MRPL13: variants seen among roughly 807,000 people sequenced by gnomAD.
MRPL13 encodes large ribosomal subunit protein uL13m.
MRPL13 carries 33 observed loss-of-function variants against 29.0 expected under a neutral mutation model. That is an observed-to-expected ratio of 1.14 (90% confidence interval 0.86 to 1.52). MRPL13 has a LOEUF of 1.52. MRPL13 is among the 40% of genes most tolerant of loss of function. The pLI, the probability that MRPL13 is intolerant of heterozygous loss-of-function variation, is 0.00. For missense variants in MRPL13, 227 were observed against 216.7 expected (o/e 1.05, Z -0.30); for synonymous variants, 77 against 68.4 (o/e 1.13, Z -0.62).
At chr8:120,431,945 CT>C (rs1420086449) in intron 3 of MRPL13, 84 bp downstream of exon 3, 5 of 962,906 alleles carry the variant, frequency 5.2e-6, no homozygotes, top group Admixed American at 2.9e-5. Context: ...TTAAAAATAT[CT>C]TTTTTCTTTT....
chr8:120,414,216 G>A (rs970154693), intron 5 of MRPL13, 104 bp from the exon 6 acceptor site: 71 of 876,108 alleles, frequency 8.1e-5, no homozygotes, highest in East Asian at 3.4e-4. Context: ...AAGAATGCTC[G>A]TAGAATAAGG....
At chr8:120,433,276 G>T (rs1161034481) in intron 2 of MRPL13, among the ~76,000 whole-genome samples, 1 of 151,984 alleles carries the variant, frequency 6.6e-6, no homozygotes, top group Non-Finnish European at 1.5e-5. Context: ...AAATAAAGAA[G>T]GTGGGAAGAT....
Position 120,419,922 on chromosome 8 carries a change from A to G in MRPL13, c.323T>C (p.Ile108Thr). 3 of 1,593,310 alleles carry G rather than the reference A, an allele frequency of 1.9e-6. No homozygotes were observed. Residue 108 changes from isoleucine (I) to threonine (T), a missense_variant, in exon 5 of 7, where the codon ATT (isoleucine) becomes ACT (threonine). Physicochemically the swap from Ile to Thr is moderately conservative, Grantham distance 89. Transcript: ENST00000306185. Reference sequence around the variant, plus strand: ...AAGGTTTTTTGGCAGCATGCCATAAATAGCTAGTTTTACAATCTGAAAGAT... The same window carrying G: ...AAGGTTTTTTGGCAGCATGCCATAAGTAGCTAGTTTTACAATCTGAAAGAT... The part of the protein sequence containing the change: ...RDPVAIVKLA[I>T]YGMLPKNLHR...
At chr8:120,419,650 C>T (rs1027031881) in intron 5 of MRPL13, 6 of 341,548 alleles carry the variant, frequency 1.8e-5, no homozygotes, top group African/African-American at 1.3e-4. Context: ...AATTTTTAGT[C>T]CAATGATGGT....
intron 5 of MRPL13, among the ~76,000 whole-genome samples, chr8:120,418,264 G>A (rs1251408126): frequency 6.6e-6 from 1 of 151,844 alleles, no homozygotes; most frequent in African/African-American, 2.4e-5. Context: ...CACAATACTC[G>A]ATAATTTATT....
At chr8:120,432,525 C>G (rs1360513623) in intron 2 of MRPL13, among the ~76,000 whole-genome samples, 2 of 151,902 alleles carry the variant, frequency 1.3e-5, no homozygotes, top group African/African-American at 4.8e-5. Flanking sequence ...AAAATGAAAA[C>G]AGTATGTATA....
intron 6 of MRPL13, among the ~76,000 whole-genome samples, chr8:120,411,514 C>A (rs940409115): frequency 6.6e-6 from 1 of 152,146 alleles, no homozygotes; most frequent in East Asian, 1.9e-4. Context: ...ACTAACTGGA[C>A]TTGATGTCAG....
rs971479070 is a variant in MRPL13, at chr8:120,428,672, A to G, written c.246-3306T>C. 6.6e-5 allele frequency among the ~76,000 whole-genome samples: 10 copies of G among 152,336 alleles called. No homozygotes were observed. In the South Asian group the frequency reaches 2.1e-3, roughly 32 times the overall value. On this transcript the variant is annotated intron_variant, in intron 3 of 6. Transcript: ENST00000306185. ...AACAAACCCCATTAAAAAGTGGGCA[A>G]AGGACAGGAACATACCCTTTCCAAA... is the stretch of plus-strand genomic sequence containing the variant.
intron 4 of MRPL13, among the ~76,000 whole-genome samples, chr8:120,424,980 TACACAC>T: frequency 6.6e-6 from 1 of 152,076 alleles, no homozygotes; most frequent in East Asian, 1.9e-4. Flanking sequence ...AAAATATATG[TACACAC>T]ATACATACAT....
At chr8:120,432,482 T>A (rs548590555) in intron 2 of MRPL13, among the ~76,000 whole-genome samples, 14 of 152,236 alleles carry the variant, frequency 9.2e-5, no homozygotes, top group African/African-American at 3.1e-4. Flanking sequence ...CCTTTAAATG[T>A]CTGATACAAA....
chr8:120,400,447 T>C (rs1175050351), intron 6 of MRPL13, among the ~76,000 whole-genome samples: 1 of 152,028 alleles, frequency 6.6e-6, no homozygotes, highest in Non-Finnish European at 1.5e-5. Context: ...AGAGACAACA[T>C]ATCAGAATCT....
intron 2 of MRPL13, among the ~76,000 whole-genome samples, chr8:120,442,922 T>G (rs1813140312): frequency 6.6e-6 from 1 of 152,144 alleles, no homozygotes; most frequent in South Asian, 2.1e-4. Context: ...AGGTTATTTC[T>G]GAGTGTGAAA....
Position 120,445,131 on chromosome 8 carries a change from G to C in MRPL13, c.-37C>G, listed in dbSNP as rs374890313. The C allele has an allele frequency of 1.9e-6, 3 of 1,613,796 alleles. No homozygotes were observed. Among genetic ancestry groups the C allele is most frequent in the Admixed American group, 3.3e-5 (2 of 60,004 alleles). ...AGCAGGACCGTACGTCCTTCTCCTAGTAGCCACGCCGGGTCACTCAGCCTT... is the reference window on the plus strand; with the variant it reads ...AGCAGGACCGTACGTCCTTCTCCTACTAGCCACGCCGGGTCACTCAGCCTT... On this transcript the variant is annotated 5_prime_UTR_variant, in exon 1 of 7. Coordinates refer to ENST00000306185, the MANE Select transcript of MRPL13 (RefSeq NM_014078.6).
intron 2 of MRPL13, among the ~76,000 whole-genome samples, chr8:120,435,429 A>G (rs927603114): frequency 4.6e-5 from 7 of 152,064 alleles, no homozygotes; most frequent in African/African-American, 1.4e-4. Context: ...CCCAATGTTT[A>G]ACTCCCACTT....
At chr8:120,443,912 T>C (rs1220138083) in intron 1 of MRPL13, among the ~76,000 whole-genome samples, 1 of 152,166 alleles carries the variant, frequency 6.6e-6, no homozygotes, top group African/African-American at 2.4e-5. Flanking sequence ...GAATAGAGCA[T>C]TGTTTTTACA....
At position 120,397,725 on chromosome 8, in the gene MRPL13, G is replaced by A. The variant is rs28892927; in HGVS notation, c.516-1600C>T. ...GAACAGGACTCTGATCTCTCCCTGG[G>A]ATAGAGCCCTGGGGAGAGACGGCCC... is the stretch of plus-strand genomic sequence containing the variant. On this transcript the variant is annotated intron_variant, in intron 6 of 6. Transcript: ENST00000306185. Among the ~76,000 whole-genome samples, 214 of 152,090 alleles carry A rather than the reference G, an allele frequency of 1.4e-3. 1 individual carries two copies. The highest frequency in any genetic ancestry group is 4.8e-3 in the African/African-American group (200 of 41,494).
chr8:120,422,535 GT>G (rs1812884870), intron 4 of MRPL13, among the ~76,000 whole-genome samples: 1 of 149,168 alleles, frequency 6.7e-6, no homozygotes, highest in South Asian at 2.1e-4. Flanking sequence ...AAGACTTTAT[GT>G]TTCTGAGAGG....
Position 120,414,089 on chromosome 8 carries a change from C to A in MRPL13, c.417G>T (p.Lys139Asn). 1 of 1,587,026 alleles carries A rather than the reference C, an allele frequency of 6.3e-7. No individual in the cohort carries two copies. The highest frequency in any genetic ancestry group is 1.8e-5 in the Admixed American group (1 of 54,882). ...GTTGAGGAAGCTCCTCTACTAAATT[C>A]TTAAGAATATCTTCTGGAATATACT... ...PDEYIPEDIL[K>N]NLVEELPQPR... Residue 139 changes from lysine (K) to asparagine (N), a missense_variant, in exon 6 of 7, where the codon AAG becomes AAT. Coordinates refer to ENST00000306185, the MANE Select transcript of MRPL13 (RefSeq NM_014078.6).
intron 1 of MRPL13, among the ~76,000 whole-genome samples, chr8:120,443,760 T>A (rs1813161878): frequency 6.6e-6 from 1 of 152,080 alleles, no homozygotes; most frequent in Non-Finnish European, 1.5e-5. Context: ...AGTGGCCAAC[T>A]GGAAACTGAA....
Sources: allele counts gnomAD v4.1 joint callset (sites outside exome capture counted in the v4.1 genomes callset), GRCh38; gene constraint gnomAD v4.1.1; transcripts MANE v1.5; gene names NCBI Gene and HGNC (gene_info 2026-07-23, HGNC 2026-07-21).